The following ZMAT5 variants were observed in gnomAD, a reference collection of about 807,000 sequenced individuals.
ZMAT5 encodes zinc finger matrin-type protein 5.
Under a neutral mutation model 28.0 loss-of-function variants are expected in ZMAT5, and 23 were observed. The ratio of observed to expected loss-of-function variants is 0.82; its 90% CI spans 0.59 to 1.16. The LOEUF (loss-of-function observed/expected upper bound fraction) is 1.16. Ranked by LOEUF, ZMAT5 falls within the 50% of genes most tolerant of loss-of-function variation. The pLI is 0.00. For synonymous variants in ZMAT5, 76 were observed against 84.1 expected, an observed-to-expected ratio of 0.90 and a Z score of 0.52; for missense variants, 173 against 212.7, an observed-to-expected ratio of 0.81 and a Z score of 1.16.
chr22:29,765,417 AAAAAAAC>A (rs958480821), intron 1 of ZMAT5, among the ~76,000 whole-genome samples: 12 of 151,966 alleles, frequency 7.9e-5, no homozygotes, highest in Non-Finnish European at 1.8e-4. Context: ...TCTGTCTCAA[AAAAAAAC>A]AAAAAACAAA....
At chr22:29,738,219 G>A (rs1205560591) in intron 5 of ZMAT5, 111 bp downstream of exon 5, 12 of 1,035,028 alleles carry the variant, frequency 1.2e-5, no homozygotes, top group South Asian at 1.4e-5. Context: ...AACTTTATTC[G>A]GCCCCTGGGC....
At position 29,738,398 on chromosome 22, in the gene ZMAT5, G is replaced by T; in HGVS notation, c.315C>A (p.Leu105=). The change falls in exon 5 of 6, where the codon CTC becomes CTA. Residue 105 remains leucine, a synonymous_variant. Coordinates refer to ENST00000344318, the MANE Select transcript of ZMAT5 (RefSeq NM_001003692.2). ...GCCAGTCCTCCAGATGGCCCTCGGG[G>T]AGCTCAGGAGCATCTAGTAGCCACT... ...AREWLLDAPE[L]PEGHLEDWLE... is the part of the protein sequence containing the mutation. 1 of 1,610,884 alleles carries T rather than the reference G, an allele frequency of 6.2e-7. No individual in the cohort carries two copies.
At chr22:29,731,461 G>A (rs1250425873) in intron 5 of ZMAT5, 107 bp from the exon 6 acceptor site, 6 of 1,433,780 alleles carry the variant, frequency 4.2e-6, no homozygotes, top group Admixed American at 3.4e-5. Flanking sequence ...AGGGTCAGCT[G>A]CCTGCATGAC....
intron 2 of ZMAT5, chr22:29,747,236 C>A (rs929497693): frequency 1.3e-5 from 2 of 152,244 alleles, no homozygotes; most frequent in African/African-American, 4.8e-5. Flanking sequence ...AAAGCACCAG[C>A]ATGTAGCAGG....
chr22:29,737,573 G>A (rs1485684840), intron 5 of ZMAT5, among the ~76,000 whole-genome samples: 6 of 152,206 alleles, frequency 3.9e-5, no homozygotes, highest in African/African-American at 7.2e-5. Flanking sequence ...ATGGGAAAAC[G>A]TGTTCAAAGT....
chr22:29,764,137 C>A (rs2068185482), intron 1 of ZMAT5, among the ~76,000 whole-genome samples: 1 of 152,130 alleles, frequency 6.6e-6, no homozygotes, highest in Admixed American at 6.6e-5. Context: ...GAGACCCTGT[C>A]TCTACAAAAA....
Position 29,760,287 on chromosome 22 carries a change from C to T in ZMAT5, c.-28+6585G>A, listed in dbSNP as rs6006240. Among the ~76,000 whole-genome samples, 154 of 150,554 alleles carry T rather than the reference C, an allele frequency of 1.0e-3. 2 individuals carry two copies. Among genetic ancestry groups the T allele is most frequent in the African/African-American group, 3.7e-3 (151 of 40,888 alleles). Reference sequence around the variant, plus strand: ...ACTCAGGAGGCTGAGGCAGGAGAATCGCTTGAACCTGAGAGGCGGAGCTTG... The same window carrying T: ...ACTCAGGAGGCTGAGGCAGGAGAATTGCTTGAACCTGAGAGGCGGAGCTTG... On this transcript the variant is annotated intron_variant, in intron 1 of 5. Coordinates refer to ENST00000344318, the MANE Select transcript of ZMAT5 (RefSeq NM_001003692.2).
At chr22:29,731,616 G>C in intron 5 of ZMAT5, 1 of 442,944 alleles carries the variant, frequency 2.3e-6, no homozygotes, top group Non-Finnish European at 4.0e-6. Context: ...TCCACCTGTG[G>C]GGGACTGATT....
intron 1 of ZMAT5, among the ~76,000 whole-genome samples, chr22:29,764,825 C>T (rs868284725): frequency 2.0e-5 from 3 of 151,988 alleles, no homozygotes; most frequent in Admixed American, 6.6e-5. Context: ...TTCATGGAGA[C>T]GGTCTCACTA....
At chr22:29,755,338 AGAGGGAGGGAGG>A (rs1224608221) in intron 1 of ZMAT5, among the ~76,000 whole-genome samples, 2 of 39,266 alleles carry the variant, frequency 5.1e-5, no homozygotes, top group African/African-American at 9.4e-5. Flanking sequence ...AGAGAGAGAG[AGAGGGAGGGAGG>A]GAGGGAGGGA....
intron 1 of ZMAT5, among the ~76,000 whole-genome samples, chr22:29,755,338 A>AGAAG (rs2068089784): frequency 2.5e-5 from 1 of 39,266 alleles, no homozygotes; most frequent in African/African-American, 9.4e-5. Context: ...AGAGAGAGAG[A>AGAAG]GAGGGAGGGA....
At chr22:29,748,291 G>A (rs768155304) in intron 2 of ZMAT5, 127 bp downstream of exon 2, 2 of 1,412,320 alleles carry the variant, frequency 1.4e-6, no homozygotes, top group South Asian at 1.2e-5. Flanking sequence ...AGTGGCTCAG[G>A]CCTCCCTCTC....
At chr22:29,748,991 TTTAAAGTCTATCAGG>T (rs1472247044) in intron 1 of ZMAT5, among the ~76,000 whole-genome samples, 1 of 152,032 alleles carries the variant, frequency 6.6e-6, no homozygotes, top group Admixed American at 6.5e-5. Context: ...TTTGGTAGTT[TTTAAAGTCTATCAGG>T]TGATTCTAAC....
intron 1 of ZMAT5, among the ~76,000 whole-genome samples, chr22:29,753,634 A>G (rs941955655): frequency 3.9e-5 from 6 of 152,312 alleles, no homozygotes; most frequent in African/African-American, 1.4e-4. Context: ...GGTTGCAGTG[A>G]GCCGAGATCG....
At chr22:29,765,144 C>T (rs131289) in intron 1 of ZMAT5, among the ~76,000 whole-genome samples, 15 of 151,972 alleles carry the variant, frequency 9.9e-5, no homozygotes, top group Admixed American at 7.9e-4. Context: ...GTCAGCTGGA[C>T]GCGGTGGCTC....
intron 5 of ZMAT5, among the ~76,000 whole-genome samples, chr22:29,736,951 C>T (rs1265947823): frequency 2.0e-5 from 3 of 151,538 alleles, no homozygotes; most frequent in South Asian, 2.1e-4. Context: ...GGCGTGAACC[C>T]CAAGAGGTGG....
At chr22:29,748,339 G>T in intron 2 of ZMAT5, 79 bp downstream of exon 2, 1 of 1,601,528 alleles carries the variant, frequency 6.2e-7, no homozygotes, top group South Asian at 1.1e-5. Context: ...GACTGTCACT[G>T]ACCCACAGGA....
intron 5 of ZMAT5, among the ~76,000 whole-genome samples, chr22:29,737,964 T>C (rs926114214): frequency 6.6e-6 from 1 of 151,896 alleles, no homozygotes; most frequent in East Asian, 2.0e-4. Context: ...GCACCCTCCC[T>C]GTTTTCCCTT....
chr22:29,732,861 C>T (rs1284483163), intron 5 of ZMAT5, among the ~76,000 whole-genome samples: 1 of 152,088 alleles, frequency 6.6e-6, no homozygotes, highest in African/African-American at 2.4e-5. Context: ...ACTGGAGTCC[C>T]CAGAGGATGT....
Sources: allele counts gnomAD v4.1 joint callset (sites outside exome capture counted in the v4.1 genomes callset), GRCh38; gene constraint gnomAD v4.1.1; transcripts MANE v1.5; gene names NCBI Gene and HGNC (gene_info 2026-07-23, HGNC 2026-07-21).